KCNH8: variants seen among roughly 807,000 people sequenced by gnomAD.
KCNH8 encodes the protein potassium voltage-gated channel subfamily H member 8.
In KCNH8, 70 loss-of-function variants were observed where a neutral mutation model predicts 103.6. That is an observed-to-expected ratio of 0.68 (90% CI 0.56 to 0.82). KCNH8 has a LOEUF of 0.82. Among genes scored for constraint, KCNH8 ranks in the 40% least tolerant of loss-of-function variants. The pLI, the probability that KCNH8 is intolerant of heterozygous loss-of-function variation, is 0.00. For synonymous variants in KCNH8, 498 were observed against 489.4 expected, an observed-to-expected ratio of 1.02 and a Z score of -0.23; for missense variants, 1,217 against 1,329.9, an observed-to-expected ratio of 0.92 and a Z score of 1.32.
intron 11 of KCNH8, among the ~76,000 whole-genome samples, chr3:19,489,328 C>A (rs770651007): frequency 6.6e-6 from 1 of 152,022 alleles, no homozygotes; most frequent in African/African-American, 2.4e-5. Context: ...GTGGGTGGAG[C>A]GAGAACCTTC....
chr3:19,170,843 G>A (rs6784247), intron 1 of KCNH8, among the ~76,000 whole-genome samples: 1 of 124,882 alleles, frequency 8.0e-6, no homozygotes, highest in South Asian at 2.3e-4. Context: ...GAAGTCTCGC[G>A]CTCTCGCCCA....
rs2064025648 is a variant in KCNH8, at chr3:19,233,836, T to G, written c.77-19818T>G. On this transcript the variant is annotated intron_variant, in intron 1 of 15. Coordinates refer to ENST00000328405, the MANE Select transcript of KCNH8 (RefSeq NM_144633.3). Reference sequence around the variant, plus strand: ...TTAAAGGCGGCGTGTCTGGAGTTTGTTCCTTCTGATGTTCGGATGTGTTCG... The same window carrying G: ...TTAAAGGCGGCGTGTCTGGAGTTTGGTCCTTCTGATGTTCGGATGTGTTCG... Among the ~76,000 whole-genome samples, 3 of 152,128 alleles carry G rather than the reference T, an allele frequency of 2.0e-5. No individual in the cohort carries two copies. In the South Asian group the frequency reaches 6.2e-4, roughly 32 times the overall value.
intron 1 of KCNH8, among the ~76,000 whole-genome samples, chr3:19,196,838 T>C (rs1296202843): frequency 6.6e-6 from 1 of 152,090 alleles, no homozygotes; most frequent in African/African-American, 2.4e-5. Flanking sequence ...GATTTTATCT[T>C]TTAAAAAATT....
intron 1 of KCNH8, among the ~76,000 whole-genome samples, chr3:19,227,173 A>C (rs2063941922): frequency 6.6e-6 from 1 of 152,090 alleles, no homozygotes; most frequent in African/African-American, 2.4e-5. Context: ...AATCTTGAAA[A>C]CCAGACAAGA....
chr3:19,391,908 A>G (rs1450335588), intron 6 of KCNH8: 1 of 151,984 alleles, frequency 6.6e-6, no homozygotes, highest in African/African-American at 2.4e-5. Context: ...GAATAAGTAT[A>G]TAATTCACAA....
At chr3:19,276,539 A>G (rs1575488953) in intron 2 of KCNH8, among the ~76,000 whole-genome samples, 1 of 152,130 alleles carries the variant, frequency 6.6e-6, no homozygotes, top group Non-Finnish European at 1.5e-5. Flanking sequence ...ATATTGAGCA[A>G]TGCACTATTT....
At chr3:19,518,652 A>C (rs2068917688) in intron 15 of KCNH8, among the ~76,000 whole-genome samples, 1 of 152,006 alleles carries the variant, frequency 6.6e-6, no homozygotes, top group Admixed American at 6.6e-5. Flanking sequence ...GAGTTTTAGT[A>C]ACTTTATTGA....
intron 3 of KCNH8, among the ~76,000 whole-genome samples, chr3:19,341,895 T>C (rs570500711): frequency 6.6e-6 from 1 of 152,238 alleles, no homozygotes; most frequent in African/African-American, 2.4e-5. Flanking sequence ...AAATTTACAA[T>C]GTACATACCA....
intron 3 of KCNH8, among the ~76,000 whole-genome samples, chr3:19,326,382 T>TATATATATATATATATATATATAA (rs879457927): frequency 2.1e-5 from 3 of 142,546 alleles, no homozygotes; most frequent in South Asian, 2.2e-4. Flanking sequence ...TATATATATA[T>TATATATATATATATATATATATAA]AATAAATGAT....
At chr3:19,297,612 A>C (rs1184989698) in intron 3 of KCNH8, among the ~76,000 whole-genome samples, 2 of 152,232 alleles carry the variant, frequency 1.3e-5, no homozygotes, top group African/African-American at 4.8e-5. Context: ...GGTAAGCTCA[A>C]ACCTGAGTCT....
At chr3:19,470,091 T>G (rs79807173) in intron 11 of KCNH8, among the ~76,000 whole-genome samples, 5,672 of 152,214 alleles carry the variant, frequency 0.037, 291 homozygotes, top group East Asian at 0.26. Context: ...TATTTTAGGA[T>G]AGAACTAGTG....
chr3:19,459,344 A>G (rs775192167), intron 11 of KCNH8, among the ~76,000 whole-genome samples: 1 of 151,966 alleles, frequency 6.6e-6, no homozygotes. Flanking sequence ...AATATTGAGC[A>G]TATTTTCATA....
At chr3:19,215,225 A>G (rs1336060173) in intron 1 of KCNH8, among the ~76,000 whole-genome samples, 1 of 152,250 alleles carries the variant, frequency 6.6e-6, no homozygotes, top group Non-Finnish European at 1.5e-5. Flanking sequence ...ACTGGCATTT[A>G]CTAAGGTACA....
intron 13 of KCNH8, among the ~76,000 whole-genome samples, chr3:19,514,373 C>T (rs1450274277): frequency 2.0e-5 from 3 of 151,796 alleles, no homozygotes; most frequent in Non-Finnish European, 4.4e-5. Context: ...GAAAATATTG[C>T]TTAACTCTTC....
intron 11 of KCNH8, among the ~76,000 whole-genome samples, chr3:19,481,867 T>C (rs186844347): frequency 6.6e-6 from 1 of 152,310 alleles, no homozygotes; most frequent in East Asian, 1.9e-4. Flanking sequence ...TCAGGATGCA[T>C]GGCCTGTGAC....
chr3:19,409,648 G>A (rs2066745864), intron 7 of KCNH8, among the ~76,000 whole-genome samples: 1 of 152,034 alleles, frequency 6.6e-6, no homozygotes, highest in Admixed American at 6.6e-5. Context: ...ACACCCATAG[G>A]CTTACAGGGT....
Position 19,148,608 on chromosome 3 carries a change from G to T in KCNH8, c.-112G>T, listed in dbSNP as rs2063098389. 2.0e-6 allele frequency: 2 copies of T among 1,015,240 alleles called. No homozygotes were observed. The highest frequency in any genetic ancestry group is 1.6e-5 in the African/African-American group (1 of 63,808). 62.9% of individuals were successfully genotyped at this position (1,015,240 alleles called of 1,614,324 possible). A position where few individuals can be genotyped will look rare whatever the true frequency, so the allele number is the denominator to read the frequency against. ...CCCTGCTCGGCCCCGCCGTCAGGCC[G>T]GGTCCCCCTTCCCTGCCGTCATCAG... On this transcript the variant is annotated 5_prime_UTR_variant, in exon 1 of 16. Coordinates refer to ENST00000328405, the MANE Select transcript of KCNH8 (RefSeq NM_144633.3).
chr3:19,224,940 C>G (rs910469013), intron 1 of KCNH8, among the ~76,000 whole-genome samples: 3 of 151,678 alleles, frequency 2.0e-5, no homozygotes, highest in African/African-American at 7.3e-5. Flanking sequence ...TTGGCAAATG[C>G]TAGAATGAAG....
In KCNH8 at chr3:19,367,702, AG is replaced by A. The variant is rs139533735; in HGVS notation, c.811+19739del. Among the ~76,000 whole-genome samples the A allele has an allele frequency of 6.3e-3, 961 of 151,956 alleles. 5 individuals carry two copies. Among genetic ancestry groups the A allele is most frequent in the African/African-American group, 0.022 (893 of 41,468 alleles). ...AGTTGAACAACAGCCTTATTTCCAAAGGTTTGTTTGTTTCATGTGGCCTCAC... is the reference window on the plus strand; with the variant it reads ...AGTTGAACAACAGCCTTATTTCCAAAGTTTGTTTGTTTCATGTGGCCTCAC... On this transcript the variant is annotated intron_variant, in intron 5 of 15. Transcript: ENST00000328405.
Sources: gnomAD v4.1 joint callset for allele counts (sites outside exome capture counted in the v4.1 genomes callset) on GRCh38, gnomAD v4.1.1 for gene constraint, MANE v1.5 for transcripts, NCBI Gene and HGNC (gene_info 2026-07-23, HGNC 2026-07-21) for gene names.